The following GNA14 variants were observed in gnomAD, a reference collection of about 807,000 sequenced individuals.
The protein encoded by GNA14 is guanine nucleotide-binding protein subunit alpha-14.
In GNA14, 50 loss-of-function variants were observed where a neutral mutation model predicts 42.0. The observed-to-expected ratio is 1.19, with a 90% confidence interval of 0.95 to 1.51. The LOEUF (loss-of-function observed/expected upper bound fraction) is 1.51, where lower values mean the gene tolerates loss of function less well. Among genes scored for constraint, GNA14 ranks in the 40% most tolerant of loss-of-function variants. The probability of loss-of-function intolerance (pLI) is 0.00; values close to 1 mark genes in which losing one functional copy is unlikely to be tolerated. For missense variants in GNA14, 473 were observed against 446.2 expected, an observed-to-expected ratio of 1.06 and a Z score of -0.54; for synonymous variants, 173 against 163.1, an observed-to-expected ratio of 1.06 and a Z score of -0.46.
intron 1 of GNA14, among the ~76,000 whole-genome samples, chr9:77,577,919 C>A (rs963441822): frequency 4.6e-5 from 7 of 152,032 alleles, no homozygotes; most frequent in Non-Finnish European, 8.8e-5. Flanking sequence ...TCATCAGAAC[C>A]CACAGACAAT....
chr9:77,463,719 T>C (rs913593877), intron 2 of GNA14, among the ~76,000 whole-genome samples: 8 of 152,134 alleles, frequency 5.3e-5, no homozygotes, highest in African/African-American at 1.7e-4. Context: ...GGTGGCAGAA[T>C]CATGCCAGGT....
At chr9:77,625,268 T>A (rs535780731) in intron 1 of GNA14, among the ~76,000 whole-genome samples, 1 of 152,030 alleles carries the variant, frequency 6.6e-6, no homozygotes, top group East Asian at 1.9e-4. Context: ...AAACCTACAT[T>A]TGATTGGTGT....
chr9:77,491,181 T>C (rs1339134357), intron 2 of GNA14, among the ~76,000 whole-genome samples: 1 of 152,186 alleles, frequency 6.6e-6, no homozygotes, highest in Non-Finnish European at 1.5e-5. Context: ...GCTGAGAGAA[T>C]TCACCAGACT....
chr9:77,571,514 A>T, intron 1 of GNA14, among the ~76,000 whole-genome samples: 1 of 152,190 alleles, frequency 6.6e-6, no homozygotes, highest in Admixed American at 6.5e-5. Context: ...TACTGTAAAT[A>T]CACACCAGAT....
At chr9:77,492,480 C>T (rs967668857) in intron 2 of GNA14, among the ~76,000 whole-genome samples, 3 of 151,834 alleles carry the variant, frequency 2.0e-5, no homozygotes, top group African/African-American at 7.3e-5. Context: ...AAAAAGGAGA[C>T]GTAACAACTG....
intron 1 of GNA14, among the ~76,000 whole-genome samples, chr9:77,575,333 G>A (rs1003634214): frequency 6.6e-6 from 1 of 152,132 alleles, no homozygotes; most frequent in Non-Finnish European, 1.5e-5. Flanking sequence ...AGTGAGCTGA[G>A]ATCGCGCCAC....
At chr9:77,647,009 A>G (rs555973090) in intron 1 of GNA14, among the ~76,000 whole-genome samples, 1 of 152,330 alleles carries the variant, frequency 6.6e-6, no homozygotes, top group African/African-American at 2.4e-5. Context: ...CGCTGCAAAC[A>G]CAAAGGCCTG....
chr9:77,514,994 T>C (rs11789010), intron 2 of GNA14, among the ~76,000 whole-genome samples: 29,158 of 152,008 alleles, frequency 0.19, 3,046 homozygotes, highest in East Asian at 0.24. Context: ...TTCAGGCAGA[T>C]GGAGGATGTG....
At chr9:77,426,285 C>CCATGGTGAG in intron 5 of GNA14, among the ~76,000 whole-genome samples, 1 of 151,612 alleles carries the variant, frequency 6.6e-6, no homozygotes. Context: ...TGATGGGTGA[C>CCATGGTGAG]CATACTGTTG....
At position 77,585,190 on chromosome 9, in the gene GNA14, G is replaced by A. The variant is rs1028353698; in HGVS notation, c.125-55937C>T. On this transcript the variant is annotated intron_variant, in intron 1 of 6. Coordinates refer to ENST00000341700, the MANE Select transcript of GNA14 (RefSeq NM_004297.4). ...CAGAATCTTAAAGAGGGAAGAGTGC[G>A]TATGAGACCAGAATATGCCACCCCA... is the stretch of plus-strand genomic sequence containing the variant. Among the ~76,000 whole-genome samples, 21 of 152,108 alleles carry A rather than the reference G, an allele frequency of 1.4e-4. 1 individual carries two copies. The highest frequency in any genetic ancestry group is 1.0e-3 in the South Asian group (5 of 4,824).
Position 77,647,934 on chromosome 9 carries a change from G to A in GNA14, c.-141C>T. The A allele has an allele frequency of 1.1e-6, 1 of 946,826 alleles. No individual in the cohort carries two copies. Among genetic ancestry groups the A allele is most frequent in the Admixed American group, 2.9e-5 (1 of 35,082 alleles). 58.7% of individuals were successfully genotyped at this position (946,826 alleles called of 1,614,324 possible). A position where few individuals can be genotyped will look rare whatever the true frequency, so the allele number is the denominator to read the frequency against. On this transcript the variant is annotated 5_prime_UTR_variant, in exon 1 of 7. Coordinates refer to ENST00000341700, the MANE Select transcript of GNA14 (RefSeq NM_004297.4). The stretch of plus-strand genomic sequence containing the variant: ...GGGGCCGACTTGAGCTTTGGAGTAA[G>A]ACGCCTGGACCTCCGAGGCTCAATC...
At chr9:77,616,941 C>A (rs1355537152) in intron 1 of GNA14, among the ~76,000 whole-genome samples, 4 of 152,046 alleles carry the variant, frequency 2.6e-5, no homozygotes, top group African/African-American at 9.7e-5. Flanking sequence ...ACGATCTTGG[C>A]TCACTGCAAG....
At chr9:77,443,643 G>A (rs1451241451) in intron 2 of GNA14, among the ~76,000 whole-genome samples, 5 of 152,118 alleles carry the variant, frequency 3.3e-5, no homozygotes, top group Non-Finnish European at 7.3e-5. Context: ...AATAAGTGTT[G>A]GCATGAGGGG....
rs189255330 is a variant in GNA14, at chr9:77,552,714, G to C, written c.125-23461C>G. On this transcript the variant is annotated intron_variant, in intron 1 of 6. Coordinates refer to ENST00000341700, the MANE Select transcript of GNA14 (RefSeq NM_004297.4). ...CCGTTGTAGCCTTCACAACATCAGA[G>C]AAACAAGGATAAATTTTAATATCAT... Among the ~76,000 whole-genome samples the C allele has an allele frequency of 2.9e-4, 44 of 152,256 alleles. 2 individuals are homozygous for C. The East Asian group carries it at 7.5e-3, about 26-fold the overall frequency.
At chr9:77,442,924 A>T (rs1335570822) in intron 2 of GNA14, among the ~76,000 whole-genome samples, 3 of 152,258 alleles carry the variant, frequency 2.0e-5, no homozygotes, top group Non-Finnish European at 2.9e-5. Context: ...ACTAAGACAA[A>T]AGCAGACTTC....
intron 2 of GNA14, among the ~76,000 whole-genome samples, chr9:77,438,903 G>A (rs1024383055): frequency 6.6e-6 from 1 of 152,188 alleles, no homozygotes; most frequent in African/African-American, 2.4e-5. Context: ...TCAGCATCAG[G>A]AAATAGGCGT....
chr9:77,623,530 A>G (rs906923431), intron 1 of GNA14, among the ~76,000 whole-genome samples: 2 of 152,310 alleles, frequency 1.3e-5, no homozygotes, highest in Non-Finnish European at 1.5e-5. Flanking sequence ...AGTGAGATCA[A>G]TGCAGAAGGC....
chr9:77,601,144 G>T, intron 1 of GNA14, among the ~76,000 whole-genome samples: 1 of 152,190 alleles, frequency 6.6e-6, no homozygotes, highest in Non-Finnish European at 1.5e-5. Context: ...CCCTTGGCAG[G>T]AACCCCTCTT....
intron 2 of GNA14, among the ~76,000 whole-genome samples, chr9:77,444,083 C>G (rs1835776927): frequency 6.6e-6 from 1 of 152,178 alleles, no homozygotes; most frequent in Non-Finnish European, 1.5e-5. Context: ...GTGAATAATG[C>G]AGTTGAGAGA....
Sources: allele counts gnomAD v4.1 joint callset (sites outside exome capture counted in the v4.1 genomes callset), GRCh38; gene constraint gnomAD v4.1.1; transcripts MANE v1.5; gene names NCBI Gene and HGNC (gene_info 2026-07-23, HGNC 2026-07-21).